Variants in SLC71A2 observed in about 807,000 individuals in gnomAD.
SLC71A2 encodes the protein solute carrier family 71 member 2, also known as hippocampus abundant transcript-like 1.
chr9:94,382,667 T>A, the SLC71A2 span, among the ~76,000 whole-genome samples: 1 of 149,348 alleles, frequency 6.7e-6, no homozygotes, highest in Non-Finnish European at 1.5e-5. Flanking sequence ...CTATTTTTTC[T>A]TTTTTTTTTA....
At chr9:94,419,686 C>T in the SLC71A2 span, among the ~76,000 whole-genome samples, 173 of 152,240 alleles carry the variant, frequency 1.1e-3, 4 homozygotes, top group Admixed American at 9.2e-4. Flanking sequence ...ACAGTCTTCT[C>T]ACCTCAGCTT....
At chr9:94,429,578 A>T in the SLC71A2 span, among the ~76,000 whole-genome samples, 77,833 of 151,350 alleles carry the variant, frequency 0.51, 20,266 homozygotes, top group Admixed American at 0.61. Context: ...TGCTACCATC[A>T]TCTTTTTAGG....
the SLC71A2 span, among the ~76,000 whole-genome samples, chr9:94,453,218 C>T: frequency 2.8e-5 from 4 of 142,758 alleles, no homozygotes; most frequent in South Asian, 2.2e-4. Context: ...GGTATGATTT[C>T]GGCTCACTGC....
chr9:94,423,263 CTCTTT>C, the SLC71A2 span, among the ~76,000 whole-genome samples: 20 of 105,918 alleles, frequency 1.9e-4, no homozygotes, highest in South Asian at 3.1e-4. Flanking sequence ...TTCTCTCTCT[CTCTTT>C]TTTTTTTTTT....
the SLC71A2 span, among the ~76,000 whole-genome samples, chr9:94,391,528 A>G: frequency 6.6e-6 from 1 of 151,578 alleles, no homozygotes; most frequent in Non-Finnish European, 1.5e-5. Context: ...ATTAATTACT[A>G]TGATTAGTTT....
chr9:94,405,567 A>G, the SLC71A2 span, among the ~76,000 whole-genome samples: 1 of 151,436 alleles, frequency 6.6e-6, no homozygotes, highest in Non-Finnish European at 1.5e-5. Context: ...TCCTGGGCTC[A>G]AGTGATTCTC....
At chr9:94,381,363 T>C in the SLC71A2 span, among the ~76,000 whole-genome samples, 2 of 151,402 alleles carry the variant, frequency 1.3e-5, no homozygotes, top group African/African-American at 2.4e-5. Flanking sequence ...TTTTTTTTTT[T>C]TTTGTTATTT....
At chr9:94,387,427 AT>A in the SLC71A2 span, among the ~76,000 whole-genome samples, 9,750 of 150,218 alleles carry the variant, frequency 0.065, 347 homozygotes, top group African/African-American at 0.085. Flanking sequence ...CTGGTTTGCT[AT>A]TTTTTTTTTA....
chr9:94,426,373 C>T, the SLC71A2 span, among the ~76,000 whole-genome samples: 1 of 152,052 alleles, frequency 6.6e-6, no homozygotes, highest in Middle Eastern at 3.2e-3. Context: ...GCTATTTTTT[C>T]CTACTCCTCT....
the SLC71A2 span, chr9:94,454,074 A>C: frequency 4.4e-6 from 7 of 1,601,934 alleles, no homozygotes; most frequent in Non-Finnish European, 6.0e-6. Context: ...AGGCCTGGTA[A>C]GCCTCACTCT....
the SLC71A2 span, among the ~76,000 whole-genome samples, chr9:94,435,894 G>A: frequency 2.0e-5 from 3 of 151,800 alleles, no homozygotes; most frequent in Admixed American, 1.3e-4. Context: ...CAGGTGATCC[G>A]CCCGCCTCAA....
chr9:94,408,119 C>T, the SLC71A2 span, among the ~76,000 whole-genome samples: 1 of 151,974 alleles, frequency 6.6e-6, no homozygotes, highest in African/African-American at 2.4e-5. Flanking sequence ...ACAGATGGTC[C>T]CAAATTTGAT....
the SLC71A2 span, among the ~76,000 whole-genome samples, chr9:94,381,265 AC>A: frequency 6.7e-6 from 1 of 148,176 alleles, no homozygotes; most frequent in African/African-American, 2.5e-5. Context: ...CAAACTCCCG[AC>A]CTCAGACCAT....
At chr9:94,451,501 G>A in the SLC71A2 span, 1 of 1,572,508 alleles carries the variant, frequency 6.4e-7, no homozygotes, top group Non-Finnish European at 8.6e-7. Context: ...CATAGCTATG[G>A]TAGGAATTCT....
chr9:94,412,437 A>G, the SLC71A2 span, among the ~76,000 whole-genome samples: 1 of 152,218 alleles, frequency 6.6e-6, no homozygotes, highest in Non-Finnish European at 1.5e-5. Flanking sequence ...TAGAATGCTA[A>G]TAAAAGGATA....
the SLC71A2 span, among the ~76,000 whole-genome samples, chr9:94,395,100 G>T: frequency 5.4e-4 from 73 of 134,492 alleles, no homozygotes; most frequent in Non-Finnish European, 9.9e-4. Flanking sequence ...TTTTAGTAGA[G>T]AGGGGGTTTC....
At chr9:94,458,287 A>G in the SLC71A2 span, 3 of 1,584,172 alleles carry the variant, frequency 1.9e-6, no homozygotes, top group East Asian at 6.8e-5. Context: ...TGCCTTTCTG[A>G]GAAGACTGGC....
At chr9:94,410,628 G>T in the SLC71A2 span, among the ~76,000 whole-genome samples, 1 of 152,098 alleles carries the variant, frequency 6.6e-6, no homozygotes, top group South Asian at 2.1e-4. Context: ...ATAAAAAATT[G>T]ACAGAAGATG....
At chr9:94,387,064 T>C in the SLC71A2 span, among the ~76,000 whole-genome samples, 1 of 152,182 alleles carries the variant, frequency 6.6e-6, no homozygotes, top group African/African-American at 2.4e-5. Flanking sequence ...GGTGGTTTTC[T>C]ACCTTTTCTT....
Sources: gnomAD v4.1 joint callset for allele counts (sites outside exome capture counted in the v4.1 genomes callset) on GRCh38, gnomAD v4.1.1 for gene constraint, MANE v1.5 for transcripts, NCBI Gene and HGNC (gene_info 2026-07-23, HGNC 2026-07-21) for gene names.